Variants in RETREG3 observed in about 807,000 individuals in gnomAD.
The protein encoded by RETREG3 is reticulophagy regulator family member 3.
RETREG3 carries 23 observed loss-of-function variants against 50.2 expected under a neutral mutation model. That is an observed-to-expected ratio of 0.46 (90% CI 0.33 to 0.65). The LOEUF is 0.65. Among genes scored for constraint, RETREG3 ranks in the 30% least tolerant of loss-of-function variants. The pLI is 0.02. For missense variants in RETREG3, 546 were observed against 598.0 expected, an observed-to-expected ratio of 0.91 and a Z score of 0.91; for synonymous variants, 240 against 234.4, an observed-to-expected ratio of 1.02 and a Z score of -0.22.
chr17:42,603,849 C>T (rs1416621899), intron 1 of RETREG3, among the ~76,000 whole-genome samples: 5 of 152,032 alleles, frequency 3.3e-5, no homozygotes, highest in South Asian at 4.1e-4. Flanking sequence ...TGGTGGCGGG[C>T]GCCTGTAGTC....
chr17:42,609,336 A>C lies in RETREG3; in HGVS notation c.-12T>G, dbSNP rs187886748. The C allele has an allele frequency of 1.9e-6, 3 of 1,593,086 alleles. No homozygotes were observed. Among genetic ancestry groups the C allele is most frequent in the African/African-American group, 2.7e-5 (2 of 74,822 alleles). On this transcript the variant is annotated 5_prime_UTR_variant, in exon 1 of 9. Transcript: ENST00000309428. ...TCGGCCTCAGCCATCTCCCCGCGGC[A>C]GCCACAACATCCGGGGCCGTGGCCC... is the stretch of plus-strand genomic sequence containing the variant.
chr17:42,602,308 C>T (rs2093160185), intron 1 of RETREG3, among the ~76,000 whole-genome samples: 2 of 125,312 alleles, frequency 1.6e-5, no homozygotes, highest in African/African-American at 3.0e-5. Flanking sequence ...CAGAGTAAGA[C>T]TCCGTTTCAA....
chr17:42,605,844 A>G (rs1320468852), intron 1 of RETREG3, among the ~76,000 whole-genome samples: 1 of 152,056 alleles, frequency 6.6e-6, no homozygotes, highest in Non-Finnish European at 1.5e-5. Context: ...TACAAAAATT[A>G]GCCAGACGTG....
chr17:42,602,159 T>C (rs1318611177), intron 1 of RETREG3, among the ~76,000 whole-genome samples: 1 of 151,742 alleles, frequency 6.6e-6, no homozygotes, highest in Non-Finnish European at 1.5e-5. Flanking sequence ...CTACTAAAAA[T>C]ACAAAAATCA....
chr17:42,582,055 G>A lies in RETREG3; in HGVS notation c.1159C>T (p.Leu387Phe). 1 of 1,614,132 alleles carries A rather than the reference G, an allele frequency of 6.2e-7. No individual in the cohort carries two copies. The highest frequency in any genetic ancestry group is 8.5e-7 in the Non-Finnish European group (1 of 1,180,018). Residue 387 changes from leucine (L) to phenylalanine (F), a missense_variant, in exon 9 of 9, where the codon CTT becomes TTT. Coordinates refer to ENST00000309428, the MANE Select transcript of RETREG3 (RefSeq NM_178126.4). ...CTGGTGAGGTTGGATCCTACAGGAA[G>A]AGCACCAAGCAGGAGCTCCGGCAGC... Reference protein sequence around the residue: ...AALPELLLGALPVGSNLTSNL... With the variant: ...AALPELLLGAFPVGSNLTSNL...
intron 2 of RETREG3, among the ~76,000 whole-genome samples, chr17:42,589,142 C>T (rs1410536989): frequency 6.6e-6 from 1 of 151,982 alleles, no homozygotes; most frequent in African/African-American, 2.4e-5. Flanking sequence ...CATTATCTAC[C>T]TGAATGATGT....
At chr17:42,605,495 C>T (rs913717709) in intron 1 of RETREG3, among the ~76,000 whole-genome samples, 1 of 152,156 alleles carries the variant, frequency 6.6e-6, no homozygotes, top group African/African-American at 2.4e-5. Context: ...AACACTCATA[C>T]TCAATATGAC....
intron 1 of RETREG3, among the ~76,000 whole-genome samples, chr17:42,597,602 TATATATATATATATATA>T (rs1258095390): frequency 6.8e-4 from 3 of 4,424 alleles, no homozygotes; most frequent in African/African-American, 1.4e-3. Context: ...TATATATATA[TATATATATATATATATA>T]TTTTTTTTTT....
At chr17:42,588,051 T>G (rs1045446548) in intron 2 of RETREG3, among the ~76,000 whole-genome samples, 187 bp from the exon 3 acceptor site, 1 of 152,206 alleles carries the variant, frequency 6.6e-6, no homozygotes, top group Non-Finnish European at 1.5e-5. Context: ...TAATCACTTA[T>G]GCCTACTCAT....
intron 5 of RETREG3, 123 bp from the exon 6 acceptor site, chr17:42,585,385 T>C: frequency 7.3e-7 from 1 of 1,369,530 alleles, no homozygotes; most frequent in Non-Finnish European, 9.7e-7. Context: ...TCTGCCCAAG[T>C]CTGCCAGTCA....
Position 42,585,112 on chromosome 17 carries a change from C to A in RETREG3, c.727+13G>T. ...AATTGCGTAAGTGGAAAGAATGACA[C>A]CATGACACTTACATTGTCTCTCTCT... On this transcript the variant is annotated intron_variant, in intron 6 of 8. Transcript: ENST00000309428. 6.2e-7 allele frequency: 1 copy of A among 1,612,024 alleles called. No homozygotes were observed. Among genetic ancestry groups the A allele is most frequent in the Non-Finnish European group, 8.5e-7 (1 of 1,179,804 alleles).
intron 1 of RETREG3, among the ~76,000 whole-genome samples, chr17:42,605,725 G>C (rs2093166685): frequency 6.6e-6 from 1 of 152,092 alleles, no homozygotes; most frequent in Non-Finnish European, 1.5e-5. Flanking sequence ...AGGGACAGTG[G>C]CTCACACCTG....
chr17:42,598,265 G>A (rs2093151977), intron 1 of RETREG3, among the ~76,000 whole-genome samples: 1 of 152,070 alleles, frequency 6.6e-6, no homozygotes, highest in African/African-American at 2.4e-5. Flanking sequence ...ACAGACGTGA[G>A]CCACCGCACC....
rs1567920649 is a variant in RETREG3 at position 42,583,531 on chromosome 17, G to A, written c.777C>T (p.Asp259=). Residue 259 remains aspartate, a synonymous_variant, in exon 7 of 9, where the codon GAC becomes GAT. Transcript: ENST00000309428. ...HPERAMDNHS[D]SEEELAAFCP... The stretch of plus-strand genomic sequence containing the variant: ...AGAAGGCAGCAAGCTCCTCTTCGCT[G>A]TCACTGTGGTTGTCCATGGCTCGTT... 1.9e-6 allele frequency: 3 copies of A among 1,613,870 alleles called. No individual in the cohort carries two copies. The East Asian group carries it at 6.7e-5, about 36-fold the overall frequency.
chr17:42,591,640 G>A (rs1192567407), intron 2 of RETREG3, among the ~76,000 whole-genome samples: 5 of 152,130 alleles, frequency 3.3e-5, no homozygotes, highest in Non-Finnish European at 5.9e-5. Context: ...CACTGCGCCC[G>A]GCCATCATGG....
In RETREG3 at chr17:42,609,295, G is replaced by A. The variant is rs1303458179; in HGVS notation, c.30C>T (p.Thr10=). 2.5e-6 allele frequency: 4 copies of A among 1,602,492 alleles called. No individual in the cohort carries two copies. Among genetic ancestry groups the A allele is most frequent in the Admixed American group, 1.7e-5 (1 of 59,976 alleles). Residue 10 remains threonine (T), a synonymous_variant, in exon 1 of 9, where the codon ACC becomes ACT. Transcript: ENST00000309428. The part of the protein sequence containing the change: MAEAEGVPT[T]PGPASGSTFR... ...AAGTCGACCCCGAAGCCGGGCCTGGGGTCGTGGGAACCCCTTCGGCCTCAG... is the reference window on the plus strand; with the variant it reads ...AAGTCGACCCCGAAGCCGGGCCTGGAGTCGTGGGAACCCCTTCGGCCTCAG...
chr17:42,595,775 T>A (rs2093143032), intron 1 of RETREG3, among the ~76,000 whole-genome samples: 1 of 150,398 alleles, frequency 6.6e-6, no homozygotes, highest in South Asian at 2.1e-4. Context: ...TTCAAGAGAT[T>A]GATTCTCCCT....
rs573074323 is a variant in RETREG3, at chr17:42,609,363, A to G, written c.-39T>C. 5.8e-6 allele frequency: 9 copies of G among 1,558,580 alleles called. No individual in the cohort carries two copies. Among genetic ancestry groups the G allele is most frequent in the East Asian group, 2.2e-5 (1 of 44,558 alleles). ...CCACAACATCCGGGGCCGTGGCCCG[A>G]CAAGTCACAATAACAGCAACTGCGC... On this transcript the variant is annotated 5_prime_UTR_variant, in exon 1 of 9. Coordinates refer to ENST00000309428, the MANE Select transcript of RETREG3 (RefSeq NM_178126.4).
In RETREG3 at chr17:42,582,749, C is replaced by T. The variant is rs142525874; in HGVS notation, c.868G>A (p.Ala290Thr). The change falls in exon 8 of 9, where the codon GCT becomes ACT. Residue 290 changes from alanine to threonine, a missense_variant. Transcript: ENST00000309428. ...CCATTGTCTGTACAGGAGACTTCAG[C>T]GTCTGAGTGCTCAGAGTCTGTGATG... ...LAITDSEHSD[A>T]EVSCTDNGTF... The T allele has an allele frequency of 2.6e-4, 414 of 1,614,214 alleles. 7 individuals are homozygous for T. The East Asian group carries it at 9.0e-3, about 35-fold the overall frequency.
Sources: allele counts gnomAD v4.1 joint callset (sites outside exome capture counted in the v4.1 genomes callset), GRCh38; gene constraint gnomAD v4.1.1; transcripts MANE v1.5; gene names NCBI Gene and HGNC (gene_info 2026-07-23, HGNC 2026-07-21).